Variants in SLC7A11 observed in about 807,000 individuals in gnomAD.
SLC7A11 encodes the protein solute carrier family 7 member 11.
A neutral mutation model predicts 54.5 loss-of-function variants in SLC7A11; 35 were observed. That is an observed-to-expected ratio of 0.64 (90% CI 0.49 to 0.85). SLC7A11 has a LOEUF of 0.85. Among genes scored for constraint, SLC7A11 ranks in the 40% least tolerant of loss-of-function variants. The probability of loss-of-function intolerance (pLI) is 0.00; values close to 1 mark genes in which losing one functional copy is unlikely to be tolerated. For synonymous variants in SLC7A11, 230 were observed against 225.2 expected (o/e 1.02, Z -0.19); for missense variants, 583 against 618.1 (o/e 0.94, Z 0.60).
intron 4 of SLC7A11, among the ~76,000 whole-genome samples, chr4:138,221,886 C>A (rs915510802): frequency 6.6e-6 from 1 of 152,170 alleles, no homozygotes; most frequent in African/African-American, 2.4e-5. Flanking sequence ...CAGCCAATGA[C>A]CCAGAGATTC....
At chr4:138,236,293 T>G (rs1738203982) in intron 2 of SLC7A11, 32 bp downstream of exon 2, 1 of 1,577,984 alleles carries the variant, frequency 6.3e-7, no homozygotes, top group Admixed American at 1.9e-5. Context: ...AATTGGTTTA[T>G]TTTTTCTTAA....
At position 138,170,229 on chromosome 4, in the gene SLC7A11, A is replaced by ATATATATAT. The variant is rs1491323495; in HGVS notation, c.*1726_*1727insATATATATA. The ATATATATAT allele has an allele frequency of 2.7e-5, 3 of 111,638 alleles. No homozygotes were observed. Among genetic ancestry groups the ATATATATAT allele is most frequent in the African/African-American group, 9.5e-5 (3 of 31,416 alleles). The allele number at this position is 111,638 out of a possible 1,614,324, so 6.9% of individuals were successfully genotyped here. A position where few individuals can be genotyped will look rare whatever the true frequency, so the allele number is the denominator to read the frequency against. On this transcript the variant is annotated 3_prime_UTR_variant, in exon 12 of 12. Coordinates refer to ENST00000280612, the MANE Select transcript of SLC7A11 (RefSeq NM_014331.4). Reference sequence around the variant, plus strand: ...ACTATATATATATATATATATATATAAAAAGTGTGTGTGTGTGTGTGTATA... The same window carrying ATATATATAT: ...ACTATATATATATATATATATATATATATATATATAAAAGTGTGTGTGTGTGTGTGTATA...
At chr4:138,231,032 C>G (rs940242747) in intron 3 of SLC7A11, among the ~76,000 whole-genome samples, 1 of 151,998 alleles carries the variant, frequency 6.6e-6, no homozygotes, top group Non-Finnish European at 1.5e-5. Flanking sequence ...GTCTTTGCTG[C>G]CAGTAACATG....
chr4:138,194,322 G>A (rs956704652), intron 6 of SLC7A11, among the ~76,000 whole-genome samples: 5 of 152,132 alleles, frequency 3.3e-5, no homozygotes, highest in Non-Finnish European at 5.9e-5. Flanking sequence ...CATATTCCCC[G>A]CAGAAATGGA....
intron 1 of SLC7A11, among the ~76,000 whole-genome samples, chr4:138,239,057 A>T (rs183886416): frequency 6.6e-6 from 1 of 152,254 alleles, no homozygotes; most frequent in Non-Finnish European, 1.5e-5. Flanking sequence ...ATATTTGGGG[A>T]ACACTGATGT....
chr4:138,176,634 A>G (rs1736577322), intron 11 of SLC7A11: 1 of 152,188 alleles, frequency 6.6e-6, no homozygotes, highest in African/African-American at 2.4e-5. Flanking sequence ...TGCCTGCTAA[A>G]GTGGGATCGA....
At position 138,204,555 on chromosome 4, in the gene SLC7A11, A is replaced by C. The variant is rs191189948; in HGVS notation, c.791+10030T>G. Among the ~76,000 whole-genome samples, 356 of 152,140 alleles carry C rather than the reference A, an allele frequency of 2.3e-3. 2 individuals are homozygous for C. Among genetic ancestry groups the C allele is most frequent in the Middle Eastern group, 6.8e-3 (2 of 294 alleles). On this transcript the variant is annotated intron_variant, in intron 6 of 11. Coordinates refer to ENST00000280612, the MANE Select transcript of SLC7A11 (RefSeq NM_014331.4). The stretch of plus-strand genomic sequence containing the variant: ...AATATTAAAATACATGATGCCAGCC[A>C]CTCAGATCAAGATCTTGTTTGTCAG...
chr4:138,199,073 T>C (rs1281247231), intron 6 of SLC7A11, among the ~76,000 whole-genome samples: 1 of 152,074 alleles, frequency 6.6e-6, no homozygotes, highest in Admixed American at 6.6e-5. Context: ...AGCCCTGGCC[T>C]TGGGAATCAG....
At chr4:138,187,915 A>AGAC (rs1736916197) in intron 6 of SLC7A11, among the ~76,000 whole-genome samples, 1 of 152,170 alleles carries the variant, frequency 6.6e-6, no homozygotes, top group African/African-American at 2.4e-5. Context: ...AAACAGAAAC[A>AGAC]GACTAACAAT....
rs182623269 is a variant in SLC7A11, at chr4:138,166,696, G to A, written c.*5260C>T. The A allele has an allele frequency of 9.8e-5, 15 of 152,578 alleles. No individual in the cohort carries two copies. In the East Asian group the frequency reaches 2.5e-3, roughly 26 times the overall value. 9.5% of individuals were successfully genotyped at this position (152,578 alleles called of 1,614,324 possible). A position where few individuals can be genotyped will look rare whatever the true frequency, so the allele number is the denominator to read the frequency against. On this transcript the variant is annotated 3_prime_UTR_variant, in exon 12 of 12. Transcript: ENST00000280612. ...AAAGGCGGTTATTGGTACTATAAAT[G>A]TACACTTGATTCAAGTACGCTGAAA...
chr4:138,183,174 G>A (rs1736788441), intron 8 of SLC7A11, 28 bp downstream of exon 8: 2 of 1,474,732 alleles, frequency 1.4e-6, no homozygotes, highest in Non-Finnish European at 1.9e-6. Context: ...ACAGAAATGT[G>A]TTTCTGGAAA....
At position 138,171,432 on chromosome 4, in the gene SLC7A11, G is replaced by A. The variant is rs1209326262; in HGVS notation, c.*524C>T. 1 of 152,754 alleles carries A rather than the reference G, an allele frequency of 6.5e-6. No homozygotes were observed. The highest frequency in any genetic ancestry group is 1.5e-5 in the Non-Finnish European group (1 of 68,420). 9.5% of individuals were successfully genotyped at this position (152,754 alleles called of 1,614,324 possible). ...ATAATCCATTAAAGCATGAGTGTTTGTTATCTAAATTGGTATCTAAGGGGA... is the reference window on the plus strand; with the variant it reads ...ATAATCCATTAAAGCATGAGTGTTTATTATCTAAATTGGTATCTAAGGGGA... On this transcript the variant is annotated 3_prime_UTR_variant, in exon 12 of 12. Transcript: ENST00000280612.
At chr4:138,185,916 C>T (rs980252192) in intron 6 of SLC7A11, among the ~76,000 whole-genome samples, 1 of 152,134 alleles carries the variant, frequency 6.6e-6, no homozygotes, top group Non-Finnish European at 1.5e-5. Flanking sequence ...TGACTTTGCA[C>T]TGCCCTGCTG....
In SLC7A11 at chr4:138,168,810, A is replaced by G. The variant is rs971538018; in HGVS notation, c.*3146T>C. On this transcript the variant is annotated 3_prime_UTR_variant, in exon 12 of 12. Coordinates refer to ENST00000280612, the MANE Select transcript of SLC7A11 (RefSeq NM_014331.4). ...AATCTTTACTCTTCTAAAGAAGGAC[A>G]AGAATAAGGTCTACTTTCAGCTAAC... The G allele has an allele frequency of 2.0e-5, 3 of 152,232 alleles. No homozygotes were observed. The highest frequency in any genetic ancestry group is 6.6e-5 in the Admixed American group (1 of 15,264). The allele number at this position is 152,232 out of a possible 1,614,324, so 9.4% of individuals were successfully genotyped here. A position where few individuals can be genotyped will look rare whatever the true frequency, so the allele number is the denominator to read the frequency against.
At chr4:138,239,895 T>C (rs1382902063) in intron 1 of SLC7A11, among the ~76,000 whole-genome samples, 2 of 152,214 alleles carry the variant, frequency 1.3e-5, no homozygotes, top group Non-Finnish European at 2.9e-5. Flanking sequence ...GTTTTTCTGA[T>C]TAGATATTGA....
At chr4:138,192,761 A>T (rs544847716) in intron 6 of SLC7A11, among the ~76,000 whole-genome samples, 3 of 152,266 alleles carry the variant, frequency 2.0e-5, no homozygotes, top group African/African-American at 4.8e-5. Flanking sequence ...GAGAGAAAAT[A>T]ATTATTATTC....
At chr4:138,176,892 T>TA (rs1223196083) in intron 11 of SLC7A11, 1 of 152,116 alleles carries the variant, frequency 6.6e-6, no homozygotes, top group Non-Finnish European at 1.5e-5. Flanking sequence ...ACAGGCTCTA[T>TA]ATTTAGTGTC....
At chr4:138,237,889 T>C (rs1217395637) in intron 1 of SLC7A11, among the ~76,000 whole-genome samples, 1 of 148,962 alleles carries the variant, frequency 6.7e-6, no homozygotes, top group South Asian at 2.1e-4. Context: ...GTAGTTGGGA[T>C]TAGAGGTGCC....
intron 6 of SLC7A11, among the ~76,000 whole-genome samples, chr4:138,201,368 C>A (rs1053818558): frequency 6.6e-6 from 1 of 151,878 alleles, no homozygotes; most frequent in African/African-American, 2.4e-5. Context: ...TCTTCCACTT[C>A]TATAATTTTA....
Sources: allele counts gnomAD v4.1 joint callset (sites outside exome capture counted in the v4.1 genomes callset), GRCh38; gene constraint gnomAD v4.1.1; transcripts MANE v1.5; gene names NCBI Gene and HGNC (gene_info 2026-07-23, HGNC 2026-07-21).